PLPPR1: variants seen among roughly 807,000 people sequenced by gnomAD.
PLPPR1 encodes the protein phospholipid phosphatase-related protein type 1.
In PLPPR1, 10 loss-of-function variants were observed where a neutral mutation model predicts 33.1. The ratio of observed to expected loss-of-function variants is 0.30; its 90% CI spans 0.19 to 0.51. PLPPR1 has a LOEUF of 0.51. Ranked by LOEUF, PLPPR1 falls within the 20% of genes least tolerant of loss-of-function variation. PLPPR1 has a pLI of 0.97. For synonymous variants in PLPPR1, 151 were observed against 151.0 expected, an observed-to-expected ratio of 1.00 and a Z score of 0.00; for missense variants, 304 against 408.1, an observed-to-expected ratio of 0.74 and a Z score of 2.20.
At chr9:101,062,188 G>GTA (rs1203826045) in intron 1 of PLPPR1, among the ~76,000 whole-genome samples, 1 of 139,096 alleles carries the variant, frequency 7.2e-6, no homozygotes, top group African/African-American at 2.7e-5. Context: ...GTGTGTGTGT[G>GTA]TATGTTTTCC....
At chr9:101,238,177 T>C (rs1827360033) in intron 2 of PLPPR1, among the ~76,000 whole-genome samples, 1 of 136,954 alleles carries the variant, frequency 7.3e-6, no homozygotes, top group Non-Finnish European at 1.6e-5. Context: ...ATATACCCTA[T>C]ATATATGCCC....
intron 1 of PLPPR1, among the ~76,000 whole-genome samples, chr9:101,173,531 G>A (rs1335143109): frequency 1.3e-5 from 2 of 152,080 alleles, no homozygotes; most frequent in Non-Finnish European, 2.9e-5. Context: ...GGCTTGGGAA[G>A]CCCTTTGTTT....
chr9:101,292,711 A>G (rs1365529486), intron 4 of PLPPR1, among the ~76,000 whole-genome samples: 1 of 151,958 alleles, frequency 6.6e-6, no homozygotes, highest in Non-Finnish European at 1.5e-5. Context: ...ACTAAGCTTC[A>G]TAAGTGAAGG....
At chr9:101,190,012 A>AT (rs1826268273) in intron 2 of PLPPR1, among the ~76,000 whole-genome samples, 1 of 152,072 alleles carries the variant, frequency 6.6e-6, no homozygotes, top group Non-Finnish European at 1.5e-5. Flanking sequence ...TGTAAGGTTC[A>AT]TGTAGACCTT....
At chr9:101,144,379 T>C (rs539119992) in intron 1 of PLPPR1, among the ~76,000 whole-genome samples, 38 of 152,304 alleles carry the variant, frequency 2.5e-4, no homozygotes, top group African/African-American at 8.2e-4. Flanking sequence ...AACCTGCATG[T>C]AGTGCACATG....
At chr9:101,288,081 G>A (rs1025865113) in intron 4 of PLPPR1, among the ~76,000 whole-genome samples, 1 of 152,144 alleles carries the variant, frequency 6.6e-6, no homozygotes, top group Non-Finnish European at 1.5e-5. Flanking sequence ...ACTTGGAGCA[G>A]GGTCCAAGGA....
intron 1 of PLPPR1, among the ~76,000 whole-genome samples, chr9:101,159,758 A>G (rs1331759335): frequency 6.6e-6 from 1 of 152,218 alleles, no homozygotes; most frequent in Non-Finnish European, 1.5e-5. Context: ...GCAAAGGGAT[A>G]TTGTGTACAA....
In PLPPR1 at chr9:101,162,601, G is replaced by T. The variant is rs116954464; in HGVS notation, c.-45-22849G>T. On this transcript the variant is annotated intron_variant, in intron 1 of 7. Transcript: ENST00000374874. ...CCATTGAGGCTTCTTAGCTTGATGG[G>T]CTAAACTAGAGAGAATTCGAGTTTT... Among the ~76,000 whole-genome samples the T allele has an allele frequency of 8.6e-3, 1,311 of 152,288 alleles. 10 individuals carry two copies. Among genetic ancestry groups the T allele is most frequent in the South Asian group, 0.017 (83 of 4,832 alleles).
In PLPPR1 at chr9:101,240,633, G is replaced by A. The variant is rs149170120; in HGVS notation, c.64-29247G>A. Reference sequence around the variant, plus strand: ...TGTTCTTCGAAAGATTCAATCTCACGGTTCCTTCATAAATGCCTTGAAATT... The same window carrying A: ...TGTTCTTCGAAAGATTCAATCTCACAGTTCCTTCATAAATGCCTTGAAATT... On this transcript the variant is annotated intron_variant, in intron 2 of 7. Transcript: ENST00000374874. Among the ~76,000 whole-genome samples, 10 of 152,088 alleles carry A rather than the reference G, an allele frequency of 6.6e-5. 1 individual carries two copies. The highest frequency in any genetic ancestry group is 1.7e-4 in the African/African-American group (7 of 41,524).
chr9:101,150,569 T>C (rs1588048628), intron 1 of PLPPR1, among the ~76,000 whole-genome samples: 1 of 152,220 alleles, frequency 6.6e-6, no homozygotes, highest in East Asian at 1.9e-4. Context: ...TATTTTAATC[T>C]TAGGCATCTG....
chr9:101,071,747 G>A (rs1361859060), intron 1 of PLPPR1, among the ~76,000 whole-genome samples: 2 of 152,006 alleles, frequency 1.3e-5, no homozygotes, highest in Non-Finnish European at 2.9e-5. Context: ...ACAGAACAAA[G>A]GAAATCAAAA....
chr9:101,109,195 C>G (rs1399627285), intron 1 of PLPPR1, among the ~76,000 whole-genome samples: 2 of 134,432 alleles, frequency 1.5e-5, no homozygotes, highest in Non-Finnish European at 3.1e-5. Flanking sequence ...AGGATGGTCT[C>G]TATCTCCTGA....
At chr9:101,303,652 T>C (rs529366579) in intron 4 of PLPPR1, among the ~76,000 whole-genome samples, 45 of 152,090 alleles carry the variant, frequency 3.0e-4, no homozygotes, top group African/African-American at 1.1e-3. Context: ...TAGGGAGGGG[T>C]GGTAAAAGCT....
At chr9:101,193,326 T>C (rs550994224) in intron 2 of PLPPR1, among the ~76,000 whole-genome samples, 1 of 152,294 alleles carries the variant, frequency 6.6e-6, no homozygotes, top group Non-Finnish European at 1.5e-5. Flanking sequence ...CCTTAATGGT[T>C]CATCCTTCTC....
intron 1 of PLPPR1, among the ~76,000 whole-genome samples, chr9:101,056,374 C>T (rs967051609): frequency 6.6e-6 from 1 of 151,976 alleles, no homozygotes. Flanking sequence ...CAATTTAAAG[C>T]TTGAATTGTT....
intron 1 of PLPPR1, among the ~76,000 whole-genome samples, chr9:101,099,025 T>C (rs1830858511): frequency 6.6e-6 from 1 of 151,846 alleles, no homozygotes; most frequent in Non-Finnish European, 1.5e-5. Context: ...TACTAGTTCT[T>C]TGACTCTCGG....
chr9:101,276,775 A>C (rs1430607921), intron 3 of PLPPR1, among the ~76,000 whole-genome samples: 1 of 152,194 alleles, frequency 6.6e-6, no homozygotes, highest in African/African-American at 2.4e-5. Context: ...GAACGGGTGG[A>C]TGTGGCCTCT....
At chr9:101,313,477 T>C (rs867274031) in intron 6 of PLPPR1, among the ~76,000 whole-genome samples, 2 of 152,202 alleles carry the variant, frequency 1.3e-5, no homozygotes, top group South Asian at 4.1e-4. Flanking sequence ...CTGCAGATGA[T>C]CACACCCGCC....
intron 1 of PLPPR1, among the ~76,000 whole-genome samples, chr9:101,109,908 T>C (rs1831031305): frequency 1.3e-5 from 2 of 152,222 alleles, no homozygotes; most frequent in Admixed American, 1.3e-4. Flanking sequence ...ATTCTTGGCA[T>C]ATACAAATGG....
Sources: gnomAD v4.1 joint callset for allele counts (sites outside exome capture counted in the v4.1 genomes callset) on GRCh38, gnomAD v4.1.1 for gene constraint, MANE v1.5 for transcripts, NCBI Gene and HGNC (gene_info 2026-07-23, HGNC 2026-07-21) for gene names.